The following NAV3 variants were observed in gnomAD, a reference collection of about 807,000 sequenced individuals.
The protein encoded by NAV3 is neuron navigator 3, also known as pore membrane and/or filament interacting like protein 1.
In NAV3, 87 loss-of-function variants were observed where a neutral mutation model predicts 244.7. That is an observed-to-expected ratio of 0.36 (90% CI 0.30 to 0.42). The LOEUF is 0.42. NAV3 is among the 20% of genes least tolerant of loss of function. NAV3 has a pLI of 1.00. For synonymous variants in NAV3, 1,126 were observed against 1,042.2 expected (o/e 1.08, Z -1.55); for missense variants, 2,663 against 2,893.3 (o/e 0.92, Z 1.83).
intron 2 of NAV3, among the ~76,000 whole-genome samples, chr12:77,668,308 T>TTCAGATGG (rs1393669419): frequency 6.6e-6 from 1 of 152,070 alleles, no homozygotes; most frequent in Non-Finnish European, 1.5e-5. Flanking sequence ...AGAAAAAGAA[T>TTCAGATGG]TCAGATGGTC....
intron 2 of NAV3, among the ~76,000 whole-genome samples, chr12:77,812,575 C>T (rs371236102): frequency 2.0e-5 from 3 of 151,014 alleles, no homozygotes; most frequent in Non-Finnish European, 4.4e-5. Context: ...CCACTATGCC[C>T]GGCTAATTTT....
intron 12 of NAV3, among the ~76,000 whole-genome samples, chr12:78,089,090 A>G (rs1283728083): frequency 3.3e-5 from 5 of 152,114 alleles, no homozygotes; most frequent in African/African-American, 1.2e-4. Flanking sequence ...GTCTTTGCAA[A>G]TATCGCAGGT....
intron 2 of NAV3, among the ~76,000 whole-genome samples, chr12:77,648,261 A>G (rs1347989662): frequency 1.3e-5 from 2 of 152,124 alleles, no homozygotes; most frequent in Non-Finnish European, 2.9e-5. Flanking sequence ...TAATTCTGCT[A>G]TAGTTAGAGA....
intron 9 of NAV3, among the ~76,000 whole-genome samples, chr12:78,041,334 T>C (rs1318647499): frequency 6.6e-6 from 1 of 152,156 alleles, no homozygotes; most frequent in African/African-American, 2.4e-5. Flanking sequence ...AGGGAAGAAA[T>C]TTACAGGCTG....
chr12:77,636,554 TA>T (rs1217797188), intron 2 of NAV3, among the ~76,000 whole-genome samples: 2 of 151,426 alleles, frequency 1.3e-5, no homozygotes, highest in Non-Finnish European at 2.9e-5. Context: ...GGTGGGAGTG[TA>T]AATTAGTTCA....
chr12:77,682,103 G>T (rs1209962905), intron 2 of NAV3, among the ~76,000 whole-genome samples: 1 of 152,022 alleles, frequency 6.6e-6, no homozygotes, highest in Non-Finnish European at 1.5e-5. Flanking sequence ...AAAATTTTGT[G>T]TTCTTTGACC....
Position 78,146,438 on chromosome 12 carries a change from G to T in NAV3, c.4707+46G>T, listed in dbSNP as rs545182539. ...ATTTTAATATTTTCTATTTTAGTTT[G>T]CATTCATGATGAAATTAGTCTTGTG... On this transcript the variant is annotated intron_variant, in intron 21 of 39. Transcript: ENST00000397909. 13 of 873,276 alleles carry T rather than the reference G, an allele frequency of 1.5e-5. No homozygotes were observed. The African/African-American group carries it at 2.2e-4, about 15-fold the overall frequency. The allele number at this position is 873,276 out of a possible 1,614,324, so 54.1% of individuals were successfully genotyped here.
intron 30 of NAV3, among the ~76,000 whole-genome samples, chr12:78,183,369 C>T (rs1475089565): frequency 2.0e-5 from 3 of 151,760 alleles, no homozygotes; most frequent in Non-Finnish European, 4.4e-5. Flanking sequence ...ACTTAGTAAA[C>T]ACTGAGGATG....
chr12:78,104,994 GTGTT>G (rs1954729471), intron 12 of NAV3, among the ~76,000 whole-genome samples: 2 of 152,080 alleles, frequency 1.3e-5, no homozygotes, highest in South Asian at 4.1e-4. Flanking sequence ...ACAATGCTGA[GTGTT>G]TGTTTAGGAT....
chr12:77,644,016 A>T lies in NAV3; in HGVS notation c.72+71750A>T, dbSNP rs963179924. On this transcript the variant is annotated intron_variant, in intron 2 of 8. Coordinates refer to the NAV3 transcript ENST00000550042. Reference sequence around the variant, plus strand: ...TTTAAGTTAATTTGGTACCATGTAGACAATACATAAACACATGTGTAGACA... The same window carrying T: ...TTTAAGTTAATTTGGTACCATGTAGTCAATACATAAACACATGTGTAGACA... Among the ~76,000 whole-genome samples, 7 of 152,152 alleles carry T rather than the reference A, an allele frequency of 4.6e-5. No homozygotes were observed. In the East Asian group the frequency reaches 1.3e-3, roughly 29 times the overall value.
intron 2 of NAV3, among the ~76,000 whole-genome samples, chr12:77,678,923 C>A (rs990677411): frequency 6.6e-6 from 1 of 152,062 alleles, no homozygotes; most frequent in Non-Finnish European, 1.5e-5. Context: ...TATCTAGAAA[C>A]TTTATGATTA....
rs185369042 is a variant in NAV3 at position 77,993,956 on chromosome 12, A to G, written c.672-847A>G. Among the ~76,000 whole-genome samples the G allele has an allele frequency of 2.7e-5, 4 of 146,404 alleles. No individual in the cohort carries two copies. The East Asian group carries it at 8.0e-4, about 29-fold the overall frequency. ...TCCTGGGTTTATCAGGTCTAACTAT[A>G]TCTTTCAGAATACTGATTCCAGAAC... On this transcript the variant is annotated intron_variant, in intron 5 of 39. Coordinates refer to ENST00000397909, the MANE Select transcript of NAV3 (RefSeq NM_001024383.2).
intron 20 of NAV3, chr12:78,143,497 G>A (rs1412156307): frequency 3.1e-6 from 1 of 324,156 alleles, no homozygotes; most frequent in East Asian, 1.2e-4. Flanking sequence ...CCGGTGTAGT[G>A]GCATACGTCT....
chr12:77,689,066 G>A lies in NAV3; in HGVS notation c.72+116800G>A, dbSNP rs145389685. On this transcript the variant is annotated intron_variant, in intron 2 of 8. Transcript: ENST00000550042. ...AAGCAGAAGGGTTAAGGAAGTGATGGGGTTGAGTGTACTATTAAAGATTTT... is the reference window on the plus strand; with the variant it reads ...AAGCAGAAGGGTTAAGGAAGTGATGAGGTTGAGTGTACTATTAAAGATTTT... 2.0e-3 allele frequency among the ~76,000 whole-genome samples: 302 copies of A among 151,920 alleles called. 1 individual carries two copies. Among genetic ancestry groups the A allele is most frequent in the African/African-American group, 6.8e-3 (284 of 41,506 alleles).
chr12:77,728,570 G>C (rs916566961), intron 2 of NAV3, among the ~76,000 whole-genome samples: 1 of 151,860 alleles, frequency 6.6e-6, no homozygotes, highest in African/African-American at 2.4e-5. Context: ...GGGTAATACC[G>C]ATTGAATTTT....
intron 17 of NAV3, among the ~76,000 whole-genome samples, chr12:78,128,099 T>G (rs528514595): frequency 6.6e-6 from 1 of 151,922 alleles, no homozygotes; most frequent in Non-Finnish European, 1.5e-5. Flanking sequence ...TCTCCATTAT[T>G]TTTTTTCTCT....
chr12:77,900,651 T>C (rs1041164987), intron 1 of NAV3, among the ~76,000 whole-genome samples: 1 of 152,216 alleles, frequency 6.6e-6, no homozygotes, highest in Non-Finnish European at 1.5e-5. Flanking sequence ...ATGTCTGTTA[T>C]TGTGAATAGT....
chr12:77,940,556 C>A (rs1889770214), intron 2 of NAV3, 120 bp downstream of exon 2: 1 of 726,178 alleles, frequency 1.4e-6, no homozygotes, highest in Non-Finnish European at 2.3e-6. Flanking sequence ...TCATGTAGCT[C>A]TCCCCTGATT....
At chr12:78,169,529 C>T (rs1375403252) in intron 24 of NAV3, among the ~76,000 whole-genome samples, 1 of 151,650 alleles carries the variant, frequency 6.6e-6, no homozygotes, top group African/African-American at 2.4e-5. Flanking sequence ...GTTCTATTTA[C>T]TCATTTCCTG....
Sources: gnomAD v4.1 joint callset for allele counts (sites outside exome capture counted in the v4.1 genomes callset) on GRCh38, gnomAD v4.1.1 for gene constraint, MANE v1.5 for transcripts, NCBI Gene and HGNC (gene_info 2026-07-23, HGNC 2026-07-21) for gene names.